Variants in EPB41L4A observed in about 807,000 individuals in gnomAD.
EPB41L4A encodes band 4.1-like protein 4A.
In EPB41L4A, 100 loss-of-function variants were observed where a neutral mutation model predicts 108.6. The observed-to-expected ratio is 0.92, with a 90% CI of 0.78 to 1.09. The LOEUF (loss-of-function observed/expected upper bound fraction) is 1.09. Ranked by LOEUF, EPB41L4A falls within the 50% of genes least tolerant of loss-of-function variation. EPB41L4A has a pLI of 0.00. For synonymous variants in EPB41L4A, 319 were observed against 289.0 expected, an observed-to-expected ratio of 1.10 and a Z score of -1.05; for missense variants, 1,030 against 842.7, an observed-to-expected ratio of 1.22 and a Z score of -2.75.
At chr5:112,352,490 T>A (rs568000084) in intron 1 of EPB41L4A, among the ~76,000 whole-genome samples, 2 of 152,308 alleles carry the variant, frequency 1.3e-5, no homozygotes, top group Admixed American at 1.3e-4. Flanking sequence ...ATTGCATTTT[T>A]TAAAAAATTT....
chr5:112,394,226 A>G (rs868243651), intron 1 of EPB41L4A, among the ~76,000 whole-genome samples: 11 of 152,172 alleles, frequency 7.2e-5, no homozygotes, highest in Non-Finnish European at 7.3e-5. Flanking sequence ...CATAGTGTTG[A>G]AAGTTCTGGC....
At chr5:112,152,959 C>A (rs1759523566) in intron 12 of EPB41L4A, among the ~76,000 whole-genome samples, 2 of 152,214 alleles carry the variant, frequency 1.3e-5, no homozygotes, top group African/African-American at 2.4e-5. Flanking sequence ...TGGCTCATGC[C>A]TGTAATCCCA....
chr5:112,268,136 C>T (rs1350778683), intron 4 of EPB41L4A, among the ~76,000 whole-genome samples: 1 of 152,244 alleles, frequency 6.6e-6, no homozygotes, highest in Non-Finnish European at 1.5e-5. Context: ...AATCCCAGCA[C>T]TGTGGGAGGC....
intron 1 of EPB41L4A, among the ~76,000 whole-genome samples, chr5:112,356,115 A>G (rs1030965438): frequency 6.6e-6 from 1 of 152,146 alleles, no homozygotes; most frequent in Non-Finnish European, 1.5e-5. Flanking sequence ...GGATTGTATA[A>G]AACTTAATAC....
intron 12 of EPB41L4A, among the ~76,000 whole-genome samples, chr5:112,214,489 C>T (rs1392618917): frequency 2.6e-5 from 4 of 152,182 alleles, no homozygotes; most frequent in African/African-American, 4.8e-5. Context: ...GGCAGCCGGG[C>T]GCGGCGGCTC....
chr5:112,209,384 G>A (rs1416702257), intron 13 of EPB41L4A, among the ~76,000 whole-genome samples: 1 of 152,234 alleles, frequency 6.6e-6, no homozygotes, highest in Non-Finnish European at 1.5e-5. Context: ...TTCCACTGGG[G>A]AATGCCCCCT....
At chr5:112,189,770 T>C (rs1482312279) in intron 17 of EPB41L4A, among the ~76,000 whole-genome samples, 1 of 152,184 alleles carries the variant, frequency 6.6e-6, no homozygotes, top group African/African-American at 2.4e-5. Flanking sequence ...TCAAAGGTAA[T>C]GAATGAATGA....
At chr5:112,320,951 C>A (rs376680519) in intron 1 of EPB41L4A, among the ~76,000 whole-genome samples, 11 of 152,140 alleles carry the variant, frequency 7.2e-5, no homozygotes, top group Non-Finnish European at 1.3e-4. Flanking sequence ...TCTGAGTTGG[C>A]GCCCCCACTG....
At chr5:112,219,115 C>A (rs1747858489) in intron 12 of EPB41L4A, among the ~76,000 whole-genome samples, 1 of 152,106 alleles carries the variant, frequency 6.6e-6, no homozygotes, top group South Asian at 2.1e-4. Flanking sequence ...CAAAATTTAT[C>A]CCTAATATGT....
chr5:112,252,947 C>T (rs1381413337), intron 9 of EPB41L4A, among the ~76,000 whole-genome samples: 1 of 151,990 alleles, frequency 6.6e-6, no homozygotes, highest in Admixed American at 6.6e-5. Flanking sequence ...GAAGGCAGTG[C>T]TCTTGTTTCA....
intron 1 of EPB41L4A, among the ~76,000 whole-genome samples, chr5:112,314,438 C>A (rs996426426): frequency 7.6e-6 from 1 of 131,640 alleles, no homozygotes; most frequent in Admixed American, 9.1e-5. Context: ...GACGTCGAGG[C>A]GGGTGGATCA....
At chr5:112,407,483 T>C (rs1476913276) in intron 1 of EPB41L4A, among the ~76,000 whole-genome samples, 1 of 152,210 alleles carries the variant, frequency 6.6e-6, no homozygotes, top group African/African-American at 2.4e-5. Context: ...GTCTTCCAGC[T>C]GTCTACATTA....
chr5:112,375,370 T>TA (rs570721073), intron 1 of EPB41L4A, among the ~76,000 whole-genome samples: 3,925 of 144,852 alleles, frequency 0.027, 168 homozygotes, highest in African/African-American at 0.084. Flanking sequence ...TTCCTCTATT[T>TA]AAAAAAAAAA....
chr5:112,277,796 G>A (rs1033547359), intron 3 of EPB41L4A, among the ~76,000 whole-genome samples: 1 of 152,194 alleles, frequency 6.6e-6, no homozygotes, highest in Non-Finnish European at 1.5e-5. Context: ...TGTCTAGCCA[G>A]ATATTTTTTG....
chr5:112,256,389 T>C (rs190525157), intron 9 of EPB41L4A, among the ~76,000 whole-genome samples: 20 of 152,254 alleles, frequency 1.3e-4, no homozygotes, highest in African/African-American at 4.6e-4. Context: ...ATTTACACAG[T>C]AGGATTGAAG....
chr5:112,179,747 A>G (rs1761052233), intron 18 of EPB41L4A, among the ~76,000 whole-genome samples: 1 of 152,204 alleles, frequency 6.6e-6, no homozygotes, highest in Non-Finnish European at 1.5e-5. Flanking sequence ...GAAAAAGAGC[A>G]GCCAAGGATG....
intron 1 of EPB41L4A, among the ~76,000 whole-genome samples, chr5:112,366,182 A>G (rs904011863): frequency 6.6e-6 from 1 of 152,062 alleles, no homozygotes; most frequent in East Asian, 1.9e-4. Flanking sequence ...AACTGTAGTG[A>G]CTACTGCCCC....
intron 1 of EPB41L4A, among the ~76,000 whole-genome samples, chr5:112,412,947 T>C (rs1459272327): frequency 2.0e-5 from 3 of 152,200 alleles, no homozygotes; most frequent in South Asian, 4.1e-4. Context: ...CTTAGAGCAG[T>C]GTCAGATTAG....
intron 1 of EPB41L4A, among the ~76,000 whole-genome samples, chr5:112,342,731 G>A (rs1442280372): frequency 6.6e-6 from 1 of 152,162 alleles, no homozygotes; most frequent in Non-Finnish European, 1.5e-5. Flanking sequence ...GAGCACCACT[G>A]AGACTCTCGT....
Sources: gnomAD v4.1 joint callset for allele counts (sites outside exome capture counted in the v4.1 genomes callset) on GRCh38, gnomAD v4.1.1 for gene constraint, MANE v1.5 for transcripts, NCBI Gene and HGNC (gene_info 2026-07-23, HGNC 2026-07-21) for gene names.